The following SEMA3D variants were observed in gnomAD, a reference collection of about 807,000 sequenced individuals.
SEMA3D encodes semaphorin-3D.
Under a neutral mutation model 100.1 loss-of-function variants are expected in SEMA3D, and 84 were observed. The observed-to-expected ratio is 0.84, with a 90% CI of 0.70 to 1.01. SEMA3D has a LOEUF of 1.01. Ranked by LOEUF, SEMA3D falls within the 50% of genes least tolerant of loss-of-function variation. The pLI is 0.00. For missense variants in SEMA3D, 875 were observed against 934.1 expected, an observed-to-expected ratio of 0.94 and a Z score of 0.82; for synonymous variants, 312 against 320.7, an observed-to-expected ratio of 0.97 and a Z score of 0.29.
chr7:85,098,114 A>G, intron 3 of SEMA3D, 149 bp from the exon 4 acceptor site: 1 of 571,308 alleles, frequency 1.8e-6, no homozygotes, highest in South Asian at 3.6e-5. Flanking sequence ...AAAGAGAAAG[A>G]AAGAAAGAAT....
At chr7:85,029,663 T>C (rs1790490644) in intron 12 of SEMA3D, 2 of 403,586 alleles carry the variant, frequency 5.0e-6, no homozygotes, top group African/African-American at 2.1e-5. Flanking sequence ...CTGGTGGTGC[T>C]TTTCAGGGCC....
intron 1 of SEMA3D, among the ~76,000 whole-genome samples, chr7:85,179,513 C>T (rs188052491): frequency 5.0e-4 from 76 of 152,286 alleles, no homozygotes; most frequent in Non-Finnish European, 6.8e-4. Flanking sequence ...GTAGCTTCTT[C>T]GTTTTGGCCA....
At chr7:85,108,077 C>G (rs1180682548) in intron 3 of SEMA3D, among the ~76,000 whole-genome samples, 3 of 151,968 alleles carry the variant, frequency 2.0e-5, no homozygotes, top group African/African-American at 7.2e-5. Flanking sequence ...AATTTCATAT[C>G]CAAATTCTTC....
chr7:85,169,099 G>T (rs1290914808), intron 1 of SEMA3D, among the ~76,000 whole-genome samples: 1 of 151,446 alleles, frequency 6.6e-6, no homozygotes, highest in South Asian at 2.1e-4. Flanking sequence ...AGATACATTA[G>T]AAAAAAATTA....
At chr7:85,006,655 A>T in intron 18 of SEMA3D, 147 bp downstream of exon 18, 1 of 542,752 alleles carries the variant, frequency 1.8e-6, no homozygotes, top group Non-Finnish European at 3.0e-6. Context: ...TCTCAAAGCT[A>T]TTGTTACCTT....
intron 2 of SEMA3D, among the ~76,000 whole-genome samples, chr7:85,135,715 T>G (rs1465373034): frequency 1.3e-5 from 2 of 149,908 alleles, no homozygotes; most frequent in African/African-American, 4.9e-5. Context: ...AAAAAATTAA[T>G]TAGAAAAAAA....
At chr7:85,142,617 G>A (rs753111849) in intron 2 of SEMA3D, 253 of 982,534 alleles carry the variant, frequency 2.6e-4, no homozygotes, top group Non-Finnish European at 3.0e-4. Context: ...TTGGATATTT[G>A]TTTTATTTCA....
the SEMA3D span, among the ~76,000 whole-genome samples, chr7:85,231,709 C>T: frequency 6.6e-6 from 1 of 152,104 alleles, no homozygotes; most frequent in Non-Finnish European, 1.5e-5. Context: ...CTCAGCCTCC[C>T]AAAGTGCTGG....
intron 4 of SEMA3D, among the ~76,000 whole-genome samples, chr7:85,093,053 A>G (rs2116291974): frequency 6.6e-6 from 1 of 152,220 alleles, no homozygotes; most frequent in African/African-American, 2.4e-5. Flanking sequence ...GTCTTTCCAA[A>G]TAGGCAATAT....
At chr7:85,182,989 C>A (rs146296053) in intron 1 of SEMA3D, among the ~76,000 whole-genome samples, 1 of 152,018 alleles carries the variant, frequency 6.6e-6, no homozygotes, top group African/African-American at 2.4e-5. Flanking sequence ...TGTATTGAAC[C>A]GCCCAGACAG....
At chr7:85,031,080 A>T (rs951582856) in intron 12 of SEMA3D, among the ~76,000 whole-genome samples, 4 of 152,008 alleles carry the variant, frequency 2.6e-5, no homozygotes, top group Non-Finnish European at 5.9e-5. Flanking sequence ...GCTTATTAAC[A>T]TTGCAGAGCA....
rs140255531 is a variant in SEMA3D at position 85,020,696 on chromosome 7, T to G, written c.1415-375A>C. On this transcript the variant is annotated intron_variant, in intron 13 of 18. Transcript: ENST00000284136. Reference sequence around the variant, plus strand: ...TAAAATAACAAATTCTCTCTCTTCCTTCCATGTAATATATATTTATTAAGT... The same window carrying G: ...TAAAATAACAAATTCTCTCTCTTCCGTCCATGTAATATATATTTATTAAGT... 6.4e-3 allele frequency among the ~76,000 whole-genome samples: 969 copies of G among 151,680 alleles called. 8 individuals are homozygous for G. The highest frequency in any genetic ancestry group is 0.022 in the African/African-American group (927 of 41,504).
intron 5 of SEMA3D, among the ~76,000 whole-genome samples, chr7:85,078,735 T>C (rs1185573550): frequency 6.6e-6 from 1 of 152,124 alleles, no homozygotes; most frequent in African/African-American, 2.4e-5. Flanking sequence ...TAACTTTCAT[T>C]AGGGTAAATA....
rs182388884 is a variant in SEMA3D, at chr7:85,071,700, C to T, written c.495+1262G>A. 1.7e-4 allele frequency among the ~76,000 whole-genome samples: 26 copies of T among 152,246 alleles called. No individual in the cohort carries two copies. The East Asian group carries it at 4.6e-3, about 27-fold the overall frequency. ...ATTACAAACATGTACAGCTTGTTAC[C>T]GTTGAATACTACAGGCAACTATAAG... On this transcript the variant is annotated intron_variant, in intron 6 of 18. Coordinates refer to ENST00000284136, the MANE Select transcript of SEMA3D (RefSeq NM_001384900.1).
At chr7:85,168,965 C>T (rs963961201) in intron 1 of SEMA3D, among the ~76,000 whole-genome samples, 1 of 151,282 alleles carries the variant, frequency 6.6e-6, no homozygotes, top group South Asian at 2.1e-4. Context: ...CTCAGTTGTC[C>T]ATGTAAAATT....
chr7:85,024,414 T>G lies in SEMA3D; in HGVS notation c.1192-1801A>C, dbSNP rs1282130320. On this transcript the variant is annotated intron_variant, in intron 12 of 18. Coordinates refer to ENST00000284136, the MANE Select transcript of SEMA3D (RefSeq NM_001384900.1). ...CAAAGTTTTCAAAGAAATAATATCATGACATTCAAGCCGTAGTTTTTGATA... is the reference window on the plus strand; with the variant it reads ...CAAAGTTTTCAAAGAAATAATATCAGGACATTCAAGCCGTAGTTTTTGATA... Among the ~76,000 whole-genome samples, 8 of 152,042 alleles carry G rather than the reference T, an allele frequency of 5.3e-5. 1 individual carries two copies. Among genetic ancestry groups the G allele is most frequent in the Middle Eastern group, 6.8e-3 (2 of 294 alleles).
In SEMA3D at chr7:85,086,631, C is replaced by CGTGT. The variant is rs58818289; in HGVS notation, c.313-5056_313-5053dup. Among the ~76,000 whole-genome samples the CGTGT allele has an allele frequency of 7.3e-4, 103 of 140,920 alleles. 1 individual carries two copies. Among genetic ancestry groups the CGTGT allele is most frequent in the East Asian group, 2.3e-3 (11 of 4,814 alleles). 92.4% of individuals were successfully genotyped at this position (140,920 alleles called of 152,430 possible). On this transcript the variant is annotated intron_variant, in intron 4 of 18. Transcript: ENST00000284136. The stretch of plus-strand genomic sequence containing the variant: ...TAGTCTCTTTCTCTCTCTCTCTCTC[C>CGTGT]GTGTGTGTGTGTGTGTGTGTGTGTG...
chr7:85,062,536 T>A (rs1791506466), intron 8 of SEMA3D, among the ~76,000 whole-genome samples: 1 of 152,030 alleles, frequency 6.6e-6, no homozygotes, highest in South Asian at 2.1e-4. Flanking sequence ...GTTAGGAAAG[T>A]TAAAATAGAT....
intron 9 of SEMA3D, among the ~76,000 whole-genome samples, chr7:85,051,117 T>A (rs1791151855): frequency 6.6e-6 from 1 of 151,894 alleles, no homozygotes; most frequent in Admixed American, 6.6e-5. Context: ...CAGTTATCTG[T>A]CACATCCAAA....
Sources: gnomAD v4.1 joint callset for allele counts (sites outside exome capture counted in the v4.1 genomes callset) on GRCh38, gnomAD v4.1.1 for gene constraint, MANE v1.5 for transcripts, NCBI Gene and HGNC (gene_info 2026-07-23, HGNC 2026-07-21) for gene names.